VPS13D: variants seen among roughly 807,000 people sequenced by gnomAD.
VPS13D encodes the protein intermembrane lipid transfer protein VPS13D.
A neutral mutation model predicts 461.9 loss-of-function variants in VPS13D; 187 were observed. The observed-to-expected ratio is 0.40, with a 90% CI of 0.36 to 0.46. The LOEUF (loss-of-function observed/expected upper bound fraction) is 0.46. Among genes scored for constraint, VPS13D ranks in the 20% least tolerant of loss-of-function variants. VPS13D has a pLI of 0.60. For missense variants in VPS13D, 4,711 were observed against 5,364.9 expected (o/e 0.88, Z 3.81); for synonymous variants, 1,951 against 1,986.3 (o/e 0.98, Z 0.47).
At chr1:12,435,379 C>T (rs763499674) in intron 65 of VPS13D, among the ~76,000 whole-genome samples, 5 of 152,014 alleles carry the variant, frequency 3.3e-5, no homozygotes, top group South Asian at 4.2e-4. Context: ...GAGGATCATC[C>T]GAGCCTAGGA....
chr1:12,501,135 C>T (rs1203301878), intron 68 of VPS13D, among the ~76,000 whole-genome samples: 2 of 152,102 alleles, frequency 1.3e-5, no homozygotes, highest in African/African-American at 2.4e-5. Context: ...CTTTTCTTAT[C>T]TACTTTGTAA....
At chr1:12,273,664 T>C (rs1258959480) in intron 18 of VPS13D, among the ~76,000 whole-genome samples, 6 of 152,264 alleles carry the variant, frequency 3.9e-5, no homozygotes, top group African/African-American at 1.2e-4. Context: ...GTGGCCTTTT[T>C]TGTCTGGCTT....
At chr1:12,283,828 A>G in intron 21 of VPS13D, 92 bp downstream of exon 21, 2 of 1,308,052 alleles carry the variant, frequency 1.5e-6, no homozygotes, top group Admixed American at 2.8e-5. Context: ...ACTTTGGAAA[A>G]TATCTCTTGT....
Position 12,282,769 on chromosome 1 carries a change from A to G in VPS13D, c.4667A>G (p.Glu1556Gly), listed in dbSNP as rs1196205929. ...ACCCTGGACAATCTCGTGTACAGTG[A>G]AGATCTGAATAAGTATCCAGCCAGT... is the stretch of plus-strand genomic sequence containing the variant. ...LQTLDNLVYSEDLNKYPASAT... is the reference protein window; with the variant it reads ...LQTLDNLVYSGDLNKYPASAT... The change falls in exon 21 of 70, where the codon GAA (glutamate) becomes GGA (glycine). Residue 1556 changes from glutamate (E) to glycine (G), a missense_variant. By Grantham distance (98) the Glu-to-Gly change is moderately conservative. This residue lies in a region of VPS13D where 4,411 missense variants were observed against 4,937.8 expected (regional missense o/e 0.89). Coordinates refer to ENST00000620676, the MANE Select transcript of VPS13D (RefSeq NM_015378.4). 2.5e-6 allele frequency: 4 copies of G among 1,614,070 alleles called. No homozygotes were observed. Among genetic ancestry groups the G allele is most frequent in the East Asian group, 4.5e-5 (2 of 44,892 alleles).
intron 50 of VPS13D, among the ~76,000 whole-genome samples, chr1:12,360,831 G>A (rs2101611291): frequency 6.6e-6 from 1 of 152,336 alleles, no homozygotes; most frequent in East Asian, 1.9e-4. Context: ...GGCATTTACA[G>A]ATTGGAATAT....
rs188249992 is a variant in VPS13D, at chr1:12,413,494, G to T, written c.12031-1593G>T. On this transcript the variant is annotated intron_variant, in intron 63 of 69. Transcript: ENST00000620676. ...CTGTTTTTGAGAAAGAAAGAGTGAG[G>T]CAGGGTCTTACTCTGTCACCCAGGC... 2.4e-4 allele frequency among the ~76,000 whole-genome samples: 37 copies of T among 152,154 alleles called. No homozygotes were observed. The East Asian group carries it at 7.2e-3, about 29-fold the overall frequency.
chr1:12,449,394 C>CTT (rs747205619), intron 65 of VPS13D, among the ~76,000 whole-genome samples: 1 of 144,134 alleles, frequency 6.9e-6, no homozygotes, highest in Non-Finnish European at 1.5e-5. Context: ...TGTTCCGTGC[C>CTT]TTTTTTTTTT....
In VPS13D at chr1:12,490,256, C is replaced by T. The variant is rs554866417; in HGVS notation, c.12663-7244C>T. 3.9e-5 allele frequency among the ~76,000 whole-genome samples: 6 copies of T among 152,336 alleles called. No homozygotes were observed. In the South Asian group the frequency reaches 1.2e-3, roughly 32 times the overall value. On this transcript the variant is annotated intron_variant, in intron 67 of 69. Coordinates refer to ENST00000620676, the MANE Select transcript of VPS13D (RefSeq NM_015378.4). Reference sequence around the variant, plus strand: ...TCAGTAATTCCATTTAAGAACCAATCTCTACTAGCATAGGGTTTCTTTCTG... The same window carrying T: ...TCAGTAATTCCATTTAAGAACCAATTTCTACTAGCATAGGGTTTCTTTCTG...
chr1:12,479,133 G>A (rs1645677460), intron 67 of VPS13D, among the ~76,000 whole-genome samples: 1 of 152,250 alleles, frequency 6.6e-6, no homozygotes, highest in Non-Finnish European at 1.5e-5. Flanking sequence ...CATTGTCACA[G>A]CAAGGCCTGG....
At chr1:12,331,556 C>CA (rs1361335800) in intron 37 of VPS13D, among the ~76,000 whole-genome samples, 1 of 150,644 alleles carries the variant, frequency 6.6e-6, no homozygotes, top group Non-Finnish European at 1.5e-5. Context: ...AAAAAAAATA[C>CA]AAAAAATTAG....
At chr1:12,433,931 T>TGAGAGAGAGA (rs374176072) in intron 65 of VPS13D, among the ~76,000 whole-genome samples, 18 of 126,528 alleles carry the variant, frequency 1.4e-4, no homozygotes, top group African/African-American at 5.4e-4. Context: ...AGAGAGAGAG[T>TGAGAGAGAGA]GAGAGAGAGA....
At chr1:12,320,403 G>C (rs912161032) in intron 32 of VPS13D, among the ~76,000 whole-genome samples, 2 of 152,156 alleles carry the variant, frequency 1.3e-5, no homozygotes, top group African/African-American at 2.4e-5. Context: ...ATTTGGTCGG[G>C]GTTCCTTTTG....
chr1:12,467,250 C>T (rs1645497025), intron 67 of VPS13D, among the ~76,000 whole-genome samples: 1 of 152,220 alleles, frequency 6.6e-6, no homozygotes, highest in South Asian at 2.1e-4. Context: ...CGGCTCACTG[C>T]ATCCTCCACC....
rs745835580 is a variant in VPS13D, at chr1:12,321,903, A to G, written c.7643A>G (p.Tyr2548Cys). 6 of 1,613,848 alleles carry G rather than the reference A, an allele frequency of 3.7e-6. No individual in the cohort carries two copies. In the South Asian group the frequency reaches 6.6e-5, roughly 18 times the overall value. ...ATGGAGTTGGTGGGGAATTCTTCTTATCAAAATAGTTCAGGATTGATGGAT... is the reference window on the plus strand; with the variant it reads ...ATGGAGTTGGTGGGGAATTCTTCTTGTCAAAATAGTTCAGGATTGATGGAT... ...IQMELVGNSS[Y>C]QNSSGLMDAF... Residue 2548 changes from tyrosine to cysteine, a missense_variant, in exon 33 of 70, where the codon TAT (tyrosine) becomes TGT (cysteine). Coordinates refer to ENST00000620676, the MANE Select transcript of VPS13D (RefSeq NM_015378.4).
At chr1:12,434,942 T>A (rs1451275113) in intron 65 of VPS13D, among the ~76,000 whole-genome samples, 3 of 152,246 alleles carry the variant, frequency 2.0e-5, no homozygotes, top group Non-Finnish European at 4.4e-5. Context: ...GGCATTTGTC[T>A]CACATAATCT....
chr1:12,349,203 T>C lies in VPS13D; in HGVS notation c.9260T>C (p.Phe3087Ser), dbSNP rs777941962. The C allele has an allele frequency of 1.2e-6, 2 of 1,614,050 alleles. No homozygotes were observed. Among genetic ancestry groups the C allele is most frequent in the African/African-American group, 2.7e-5 (2 of 74,934 alleles). Residue 3087 changes from phenylalanine (F) to serine (S), a missense_variant, in exon 46 of 70, where the codon TTT (phenylalanine) becomes TCT (serine). Around this residue, in one of 3 missense-constraint regions of VPS13D, gnomAD observed 4,411 missense variants for 4,937.8 expected, o/e 0.89. Coordinates refer to ENST00000620676, the MANE Select transcript of VPS13D (RefSeq NM_015378.4). ...VLPAIMPGDS[F>S]AVPLHLTSWR... ...CCTGCTATCATGCCAGGGGATTCGT[T>C]TGCTGTGCCTTTACACCTCACTTCT... is the stretch of plus-strand genomic sequence containing the variant.
At position 12,285,871 on chromosome 1, in the gene VPS13D, A is replaced by G. The variant is rs371858846; in HGVS notation, c.5634+2135A>G. ...GTAGAATACTGTGCTTTTGTAAGCC[A>G]AAGTTTTCTCATTTACAAAATAAGG... On this transcript the variant is annotated intron_variant, in intron 21 of 69. Coordinates refer to ENST00000620676, the MANE Select transcript of VPS13D (RefSeq NM_015378.4). Among the ~76,000 whole-genome samples, 40 of 152,272 alleles carry G rather than the reference A, an allele frequency of 2.6e-4. 3 individuals carry two copies. The highest frequency in any genetic ancestry group is 2.0e-3 in the Admixed American group (31 of 15,298).
chr1:12,243,570 T>A (rs1640449364), intron 3 of VPS13D, among the ~76,000 whole-genome samples: 1 of 152,126 alleles, frequency 6.6e-6, no homozygotes, highest in African/African-American at 2.4e-5. Flanking sequence ...GGCAGGAGGA[T>A]CACTTGAGGC....
chr1:12,492,549 A>G (rs138192141), intron 67 of VPS13D, among the ~76,000 whole-genome samples: 1 of 152,356 alleles, frequency 6.6e-6, no homozygotes, highest in Non-Finnish European at 1.5e-5. Context: ...TAAATGCCTC[A>G]TTGGCAGGAA....
Sources: gnomAD v4.1 joint callset for allele counts (sites outside exome capture counted in the v4.1 genomes callset) on GRCh38, gnomAD v4.1.1 for gene constraint, gnomAD v4.1.1 regional missense constraint, MANE v1.5 for transcripts, NCBI Gene and HGNC (gene_info 2026-07-23, HGNC 2026-07-21) for gene names.